SRD5A2: variants seen among roughly 807,000 people sequenced by gnomAD.
The protein encoded by SRD5A2 is 3-oxo-5-alpha-steroid 4-dehydrogenase 2.
Under a neutral mutation model 27.4 loss-of-function variants are expected in SRD5A2, and 30 were observed. That is an observed-to-expected ratio of 1.10 (90% CI 0.82 to 1.49). SRD5A2 has a LOEUF of 1.49. Among genes scored for constraint, SRD5A2 ranks in the 40% most tolerant of loss-of-function variants. The probability of loss-of-function intolerance (pLI) is 0.00; values close to 1 mark genes in which losing one functional copy is unlikely to be tolerated. For synonymous variants in SRD5A2, 141 were observed against 133.6 expected, an observed-to-expected ratio of 1.06 and a Z score of -0.38; for missense variants, 348 against 323.4, an observed-to-expected ratio of 1.08 and a Z score of -0.58.
At chr2:31,548,786 C>T (rs1666316631) in intron 1 of SRD5A2, among the ~76,000 whole-genome samples, 1 of 152,080 alleles carries the variant, frequency 6.6e-6, no homozygotes. Context: ...TTTGTGCACA[C>T]ATTGATAGAA....
chr2:31,583,449 G>A (rs1667115569), upstream of SRD5A2, among the ~76,000 whole-genome samples: 1 of 151,948 alleles, frequency 6.6e-6, no homozygotes, highest in Non-Finnish European at 1.5e-5. Flanking sequence ...AACCAATAAT[G>A]CAACTGGTCT....
the SRD5A2 span, among the ~76,000 whole-genome samples, chr2:31,661,146 A>C: frequency 6.6e-6 from 1 of 152,170 alleles, no homozygotes; most frequent in Non-Finnish European, 1.5e-5. Flanking sequence ...GTTTCTCCCA[A>C]AGGAATAAAA....
chr2:31,635,917 T>A, the SRD5A2 span, among the ~76,000 whole-genome samples: 1 of 152,088 alleles, frequency 6.6e-6, no homozygotes, highest in Non-Finnish European at 1.5e-5. Context: ...AGGAGTCTAT[T>A]TTTATGCCAA....
intron 1 of SRD5A2, among the ~76,000 whole-genome samples, chr2:31,572,734 A>T (rs1456747062): frequency 1.3e-5 from 2 of 152,226 alleles, no homozygotes; most frequent in East Asian, 3.8e-4. Context: ...CTGCTGATAC[A>T]AGAGGGCAGG....
At chr2:31,620,634 G>C in the SRD5A2 span, among the ~76,000 whole-genome samples, 3 of 151,686 alleles carry the variant, frequency 2.0e-5, no homozygotes, top group Non-Finnish European at 4.4e-5. Flanking sequence ...ACCTACATTA[G>C]TAATACCTAC....
rs1665712701 is a variant in SRD5A2 at position 31,523,825 on chromosome 2, T to C, written c.*2371A>G. 2 of 220,626 alleles carry C rather than the reference T, an allele frequency of 9.1e-6. No individual in the cohort carries two copies. The highest frequency in any genetic ancestry group is 1.3e-4 in the East Asian group (2 of 15,004). The allele number at this position is 220,626 out of a possible 1,614,324, so 13.7% of individuals were successfully genotyped here. On this transcript the variant is annotated 3_prime_UTR_variant, in exon 5 of 5. Transcript: ENST00000622030. ...TTACTGTATTTAATCCACATACATA[T>C]CCTAGCCCTAAACAATGACAAACTG...
the SRD5A2 span, among the ~76,000 whole-genome samples, chr2:31,587,725 C>T: frequency 6.6e-6 from 1 of 151,988 alleles, no homozygotes; most frequent in African/African-American, 2.4e-5. Flanking sequence ...GGGAGGGGAA[C>T]ATTATACACC....
intron 1 of SRD5A2, among the ~76,000 whole-genome samples, chr2:31,549,582 G>C (rs550005169): frequency 6.6e-6 from 1 of 152,204 alleles, no homozygotes; most frequent in East Asian, 1.9e-4. Flanking sequence ...AAATGAAGTA[G>C]AGTTACTATA....
chr2:31,612,151 C>A, the SRD5A2 span, among the ~76,000 whole-genome samples: 2 of 151,882 alleles, frequency 1.3e-5, no homozygotes, highest in Non-Finnish European at 2.9e-5. Flanking sequence ...TATGGTGGAA[C>A]CTGCCTGCAG....
At chr2:31,553,932 G>A (rs1666436317) in intron 1 of SRD5A2, among the ~76,000 whole-genome samples, 1 of 152,150 alleles carries the variant, frequency 6.6e-6, no homozygotes, top group Admixed American at 6.5e-5. Context: ...GGACAAAGGA[G>A]TAGTAAGTTT....
chr2:31,599,468 C>A, the SRD5A2 span, among the ~76,000 whole-genome samples: 18 of 151,870 alleles, frequency 1.2e-4, no homozygotes, highest in Non-Finnish European at 2.7e-4. Context: ...TTTCTCTGAC[C>A]ACAATGTAAT....
intron 3 of SRD5A2, among the ~76,000 whole-genome samples, chr2:31,530,368 T>A (rs996317639): frequency 4.6e-5 from 7 of 152,192 alleles, no homozygotes; most frequent in African/African-American, 1.2e-4. Context: ...TAGAGTTGAA[T>A]CTTTCTTGAA....
chr2:31,580,758 G>C lies in SRD5A2; in HGVS notation c.143C>G (p.Pro48Arg), dbSNP rs61748122. 7 of 1,610,266 alleles carry C rather than the reference G, an allele frequency of 4.3e-6. No homozygotes were observed. In the East Asian group the frequency reaches 1.6e-4, roughly 36 times the overall value. The change falls in exon 1 of 5, where the codon CCA (proline) becomes CGA (arginine). Residue 48 changes from proline to arginine, a missense_variant. Pro to Arg is a moderately radical substitution (Grantham distance 103, BLOSUM62 -2). Coordinates refer to ENST00000622030, the MANE Select transcript of SRD5A2 (RefSeq NM_000348.4). Reference sequence around the variant, plus strand: ...CTGCAGGAACCAGGCGGCGCGGGCTGGCAGGCGGGTAGCCGCCGGCTTCAG... The same window carrying C: ...CTGCAGGAACCAGGCGGCGCGGGCTCGCAGGCGGGTAGCCGCCGGCTTCAG... ...ESLKPAATRL[P>R]ARAAWFLQEL... is the part of the protein sequence containing the mutation.
At chr2:31,583,652 C>CAAAAAAAAAAAAAAAAAAAAAAA (rs1352139998), upstream of SRD5A2, among the ~76,000 whole-genome samples, 2 of 20,922 alleles carry the variant, frequency 9.6e-5, 1 homozygote, top group African/African-American at 2.7e-4. Context: ...AAAAAAAAAC[C>CAAAAAAAAAAAAAAAAAAAAAAA]AAAAAAAAAG....
At chr2:31,570,567 G>C (rs563218229) in intron 1 of SRD5A2, among the ~76,000 whole-genome samples, 8 of 152,284 alleles carry the variant, frequency 5.3e-5, no homozygotes, top group Admixed American at 2.6e-4. Flanking sequence ...ATACAAATAG[G>C]AAGAGAAGAG....
the SRD5A2 span, among the ~76,000 whole-genome samples, chr2:31,599,912 T>A: frequency 1.3e-5 from 2 of 150,698 alleles, no homozygotes; most frequent in African/African-American, 4.9e-5. Flanking sequence ...GGGTTTGTTG[T>A]ACGGATATTT....
At chr2:31,585,816 G>A (rs1210058528), upstream of SRD5A2, among the ~76,000 whole-genome samples, 2 of 152,086 alleles carry the variant, frequency 1.3e-5, no homozygotes, top group Non-Finnish European at 2.9e-5. Flanking sequence ...TGGGCCACAG[G>A]GAAGCCCACT....
At chr2:31,564,433 C>G (rs1320704406) in intron 1 of SRD5A2, among the ~76,000 whole-genome samples, 2 of 151,566 alleles carry the variant, frequency 1.3e-5, no homozygotes, top group Admixed American at 1.3e-4. Flanking sequence ...GTTTAATATA[C>G]ATGTAGGTCT....
the SRD5A2 span, among the ~76,000 whole-genome samples, chr2:31,609,405 T>A: frequency 1.3e-5 from 2 of 152,024 alleles, no homozygotes; most frequent in Admixed American, 6.6e-5. Flanking sequence ...GGTACTAACA[T>A]AAAAATAGAT....
Sources: gnomAD v4.1 joint callset for allele counts (sites outside exome capture counted in the v4.1 genomes callset) on GRCh38, gnomAD v4.1.1 for gene constraint, MANE v1.5 for transcripts, NCBI Gene and HGNC (gene_info 2026-07-23, HGNC 2026-07-21) for gene names.